The following LAMA3 variants were observed in gnomAD, a reference collection of about 807,000 sequenced individuals.
The protein encoded by LAMA3 is laminin subunit alpha 3.
Under a neutral mutation model 402.0 loss-of-function variants are expected in LAMA3, and 281 were observed. The ratio of observed to expected loss-of-function variants is 0.70; its 90% CI spans 0.63 to 0.77. The LOEUF (loss-of-function observed/expected upper bound fraction) is 0.77. Among genes scored for constraint, LAMA3 ranks in the 30% least tolerant of loss-of-function variants. LAMA3 has a pLI of 0.00. For synonymous variants in LAMA3, 1,431 were observed against 1,558.4 expected, an observed-to-expected ratio of 0.92 and a Z score of 1.93; for missense variants, 3,840 against 4,215.5, an observed-to-expected ratio of 0.91 and a Z score of 2.47.
Position 23,946,244 on chromosome 18 carries a change from C to G in LAMA3, c.9311C>G (p.Ala3104Gly), listed in dbSNP as rs571009750. ...LPGNSTISIR[A>G]PVYLGSPPSG... ...GGAAACTCCACCATCAGCATCAGAG[C>G]GCCAGTTTACCTGGGATCACCTCCA... Residue 3104 changes from alanine to glycine, a missense_variant, in exon 70 of 75, where the codon GCG (alanine) becomes GGG (glycine). This residue lies in a region of LAMA3 where 840 missense variants were observed against 981.9 expected (regional missense o/e 0.86). Transcript: ENST00000313654. 68 of 1,613,866 alleles carry G rather than the reference C, an allele frequency of 4.2e-5. No individual in the cohort carries two copies. The East Asian group carries it at 1.5e-3, about 35-fold the overall frequency.
At chr18:23,738,015 G>A (rs961946927) in intron 2 of LAMA3, among the ~76,000 whole-genome samples, 9 of 152,258 alleles carry the variant, frequency 5.9e-5, no homozygotes, top group Admixed American at 2.6e-4. Flanking sequence ...CAGGAAATCC[G>A]GCTCTGAAGT....
At chr18:23,757,279 T>C (rs2061867505) in intron 6 of LAMA3, among the ~76,000 whole-genome samples, 2 of 151,836 alleles carry the variant, frequency 1.3e-5, no homozygotes, top group African/African-American at 4.8e-5. Flanking sequence ...CTTCAGGCCG[T>C]CTTCCCACCC....
In LAMA3 at chr18:23,949,931, A is replaced by G; in HGVS notation, c.9511+7A>G. 6.2e-7 allele frequency: 1 copy of G among 1,614,072 alleles called. No individual in the cohort carries two copies. Among genetic ancestry groups the G allele is most frequent in the Non-Finnish European group, 8.5e-7 (1 of 1,180,022 alleles). On this transcript the variant is annotated splice_region_variant and intron_variant, in intron 71 of 74. Coordinates refer to ENST00000313654, the MANE Select transcript of LAMA3 (RefSeq NM_198129.4). The stretch of plus-strand genomic sequence containing the variant: ...GGAGGTCATGTCGTCTTGGGTAAGG[A>G]GCAGTTCTATAGAATTTAAGTCTTT...
intron 25 of LAMA3, 196 bp downstream of exon 25, chr18:23,837,285 A>G: frequency 1.7e-6 from 1 of 588,728 alleles, no homozygotes; most frequent in Non-Finnish European, 3.0e-6. Context: ...ATGGCCTAAT[A>G]AAATTTAGTC....
chr18:23,738,030 G>C (rs956447734), intron 2 of LAMA3, among the ~76,000 whole-genome samples: 2 of 152,184 alleles, frequency 1.3e-5, no homozygotes, highest in African/African-American at 4.8e-5. Context: ...TGAAGTCTCT[G>C]TGAGAAGTCT....
intron 37 of LAMA3, among the ~76,000 whole-genome samples, chr18:23,869,694 G>T (rs550240695): frequency 6.6e-6 from 1 of 152,154 alleles, no homozygotes; most frequent in South Asian, 2.1e-4. Context: ...GATAGCACAA[G>T]ACATTAGGTA....
chr18:23,826,919 A>C, intron 22 of LAMA3, 120 bp downstream of exon 22: 1 of 696,824 alleles, frequency 1.4e-6, no homozygotes, highest in Non-Finnish European at 2.6e-6. Flanking sequence ...CTGGATAATT[A>C]GTTGTTATCT....
In LAMA3 at chr18:23,689,613, G is replaced by T; in HGVS notation, c.-71G>T. ...TCCTGGCGCTGCAGGTCCGGGAGGC[G>T]CAGGCGGAGAGCGGCGGTGCCCCCG... On this transcript the variant is annotated 5_prime_UTR_variant, in exon 1 of 75. Coordinates refer to ENST00000313654, the MANE Select transcript of LAMA3 (RefSeq NM_198129.4). 5 of 1,218,052 alleles carry T rather than the reference G, an allele frequency of 4.1e-6. No individual in the cohort carries two copies. Among genetic ancestry groups the T allele is most frequent in the Non-Finnish European group, 2.0e-6 (2 of 976,202 alleles). 75.5% of individuals were successfully genotyped at this position (1,218,052 alleles called of 1,614,324 possible). A position where few individuals can be genotyped will look rare whatever the true frequency, so the allele number is the denominator to read the frequency against.
In LAMA3 at chr18:23,894,984, C is replaced by T. The variant is rs1483732800; in HGVS notation, c.5539C>T (p.Leu1847=). 1 of 1,613,888 alleles carries T rather than the reference C, an allele frequency of 6.2e-7. No homozygotes were observed. The change falls in exon 44 of 75, where the codon CTG becomes TTG. Residue 1847 remains leucine, a synonymous_variant. Coordinates refer to ENST00000313654, the MANE Select transcript of LAMA3 (RefSeq NM_198129.4). ...GEQLRLVKSQ[L]QGLSASAGLL... ...GCAGCTCCGCCTGGTCAAGTCTCAG[C>T]TGCAGGGCCTGAGTGCCAGCGCAGG...
chr18:23,881,613 T>C (rs1446938244), intron 39 of LAMA3, among the ~76,000 whole-genome samples: 1 of 152,194 alleles, frequency 6.6e-6, no homozygotes, highest in East Asian at 1.9e-4. Context: ...TTGATATAAG[T>C]AAAATTGATA....
At chr18:23,848,434 C>A (rs907174807) in intron 32 of LAMA3, among the ~76,000 whole-genome samples, 1 of 152,166 alleles carries the variant, frequency 6.6e-6, no homozygotes, top group African/African-American at 2.4e-5. Flanking sequence ...GTGGGGGCTG[C>A]AGGGGCCAGA....
intron 1 of LAMA3, among the ~76,000 whole-genome samples, chr18:23,711,911 T>C (rs1284656939): frequency 6.6e-6 from 1 of 152,184 alleles, no homozygotes; most frequent in Non-Finnish European, 1.5e-5. Flanking sequence ...TCATAAGCAT[T>C]CCCATTTTGG....
At chr18:23,892,244 G>A (rs948672262) in intron 42 of LAMA3, among the ~76,000 whole-genome samples, 1 of 152,114 alleles carries the variant, frequency 6.6e-6, no homozygotes, top group African/African-American at 2.4e-5. Flanking sequence ...TAATGCCTCT[G>A]CAACCCTCAT....
chr18:23,953,588 C>T (rs1361129080), intron 74 of LAMA3, among the ~76,000 whole-genome samples: 10 of 151,926 alleles, frequency 6.6e-5, no homozygotes, highest in Admixed American at 3.3e-4. Flanking sequence ...GTGATCCACC[C>T]GCCTCAGCCT....
chr18:23,925,233 T>C (rs1359163505), intron 62 of LAMA3, among the ~76,000 whole-genome samples: 1 of 152,220 alleles, frequency 6.6e-6, no homozygotes, highest in African/African-American at 2.4e-5. Context: ...TCAGCTTTGC[T>C]CAAGGGATTT....
In LAMA3 at chr18:23,808,518, G is replaced by A. The variant is rs74597725; in HGVS notation, c.1604-1848G>A. Among the ~76,000 whole-genome samples the A allele has an allele frequency of 3.4e-3, 511 of 152,294 alleles. 4 individuals carry two copies. The South Asian group carries it at 0.034, about 10-fold the overall frequency. On this transcript the variant is annotated intron_variant, in intron 12 of 74. Coordinates refer to ENST00000313654, the MANE Select transcript of LAMA3 (RefSeq NM_198129.4). ...CTAGCAAGGGTGCTGCTGGAACACA[G>A]TAGGCCTTCAATCAATGTCTGCTGG...
Position 23,890,029 on chromosome 18 carries a change from CG to C in LAMA3, c.5325del (p.Asn1776IlefsTer26). On this transcript the variant is annotated frameshift_variant, in exon 42 of 75. Coordinates refer to ENST00000313654, the MANE Select transcript of LAMA3 (RefSeq NM_198129.4). LOFTEE classifies it high-confidence loss of function. ...QCERCAPGYF[G>X]NPQKFGGSCQ... is the part of the protein sequence containing the mutation. The stretch of plus-strand genomic sequence containing the variant: ...TGTGTAGGTGTGCACCGGGATATTT[CG>C]GGAATCCCCAGAAATTCGGAGGTAG... The C allele has an allele frequency of 6.2e-7, 1 of 1,613,626 alleles. No homozygotes were observed. Among genetic ancestry groups the C allele is most frequent in the Non-Finnish European group, 8.5e-7 (1 of 1,179,632 alleles).
At chr18:23,702,906 T>C (rs1478386002) in intron 1 of LAMA3, among the ~76,000 whole-genome samples, 1 of 152,226 alleles carries the variant, frequency 6.6e-6, no homozygotes, top group Non-Finnish European at 1.5e-5. Context: ...TGTTTCCCTC[T>C]CTATAAAAGG....
At chr18:23,774,363 C>T (rs557563398) in intron 9 of LAMA3, among the ~76,000 whole-genome samples, 1 of 152,322 alleles carries the variant, frequency 6.6e-6, no homozygotes, top group Admixed American at 6.5e-5. Context: ...AATACTTTCA[C>T]AAAGGTCTTG....
Sources: allele counts gnomAD v4.1 joint callset (sites outside exome capture counted in the v4.1 genomes callset), GRCh38; gene constraint gnomAD v4.1.1; regional missense constraint gnomAD v4.1.1; transcripts MANE v1.5; gene names NCBI Gene and HGNC (gene_info 2026-07-23, HGNC 2026-07-21).